The following ATXN7L1 variants were observed in gnomAD, a reference collection of about 807,000 sequenced individuals.
The protein encoded by ATXN7L1 is ataxin-7-like protein 1.
A neutral mutation model predicts 70.8 loss-of-function variants in ATXN7L1; 15 were observed. That is an observed-to-expected ratio of 0.21 (90% CI 0.14 to 0.33). The LOEUF (loss-of-function observed/expected upper bound fraction) is 0.33. Ranked by LOEUF, ATXN7L1 falls within the 10% of genes least tolerant of loss-of-function variation. ATXN7L1 has a pLI of 1.00. For missense variants in ATXN7L1, 975 were observed against 1,097.1 expected (o/e 0.89, Z 1.57); for synonymous variants, 440 against 445.1 (o/e 0.99, Z 0.14).
At chr7:105,719,568 C>G (rs1794947721) in intron 3 of ATXN7L1, among the ~76,000 whole-genome samples, 1 of 152,152 alleles carries the variant, frequency 6.6e-6, no homozygotes, top group African/African-American at 2.4e-5. Flanking sequence ...TATCCCACAG[C>G]TTCCTCCTAA....
chr7:105,645,805 G>A (rs1353930838), intron 4 of ATXN7L1, among the ~76,000 whole-genome samples: 2 of 137,890 alleles, frequency 1.5e-5, no homozygotes, highest in African/African-American at 2.8e-5. Flanking sequence ...AGAGTGAGAC[G>A]CCACCACAAA....
intron 7 of ATXN7L1, among the ~76,000 whole-genome samples, chr7:105,631,600 G>C (rs756168701): frequency 6.6e-6 from 1 of 152,206 alleles, no homozygotes; most frequent in Non-Finnish European, 1.5e-5. Flanking sequence ...CTGAGTAGCT[G>C]GGATCACAGG....
intron 2 of ATXN7L1, 132 bp downstream of exon 2, chr7:105,875,673 GCAGTAGT>G: frequency 2.8e-6 from 1 of 363,630 alleles, no homozygotes; most frequent in Non-Finnish European, 4.9e-6. Flanking sequence ...TTAACATGAA[GCAGTAGT>G]CACCTGGGCG....
chr7:105,854,260 G>A (rs917875257), intron 2 of ATXN7L1, among the ~76,000 whole-genome samples: 10 of 151,916 alleles, frequency 6.6e-5, no homozygotes, highest in African/African-American at 2.4e-4. Context: ...AGGAAATGGC[G>A]GCAAGGAAAA....
chr7:105,724,925 C>T (rs1457556941), intron 3 of ATXN7L1, among the ~76,000 whole-genome samples: 1 of 152,012 alleles, frequency 6.6e-6, no homozygotes, highest in African/African-American at 2.4e-5. Flanking sequence ...CTCCTGAGCT[C>T]AAGGGATCCT....
chr7:105,773,978 G>A (rs1309143895), intron 3 of ATXN7L1, among the ~76,000 whole-genome samples: 1 of 152,148 alleles, frequency 6.6e-6, no homozygotes, highest in Non-Finnish European at 1.5e-5. Context: ...AACATTACAA[G>A]CCACAGAGGA....
intron 2 of ATXN7L1, among the ~76,000 whole-genome samples, chr7:105,807,459 TC>T (rs1266326568): frequency 1.3e-5 from 2 of 152,192 alleles, no homozygotes; most frequent in African/African-American, 4.8e-5. Flanking sequence ...GGACACACCT[TC>T]TGACGCGGCA....
At chr7:105,622,108 G>A (rs762538174) in intron 8 of ATXN7L1, among the ~76,000 whole-genome samples, 3 of 152,178 alleles carry the variant, frequency 2.0e-5, no homozygotes, top group Non-Finnish European at 4.4e-5. Flanking sequence ...AAGATGCACC[G>A]AGCAAGCATT....
At chr7:105,786,819 T>C (rs1039782478) in intron 3 of ATXN7L1, among the ~76,000 whole-genome samples, 1 of 152,092 alleles carries the variant, frequency 6.6e-6, no homozygotes, top group African/African-American at 2.4e-5. Flanking sequence ...CCAGTCCCAG[T>C]GAAAGTTTTG....
Position 105,614,329 on chromosome 7 carries a change from G to A in ATXN7L1, c.2005C>T (p.Pro669Ser). The A allele has an allele frequency of 6.4e-7, 1 of 1,552,378 alleles. No homozygotes were observed. The highest frequency in any genetic ancestry group is 8.7e-7 in the Non-Finnish European group (1 of 1,147,146). The change falls in exon 10 of 12, where the codon CCA (proline) becomes TCA (serine). Residue 669 changes from proline to serine, a missense_variant. Physicochemically the swap from Pro to Ser is moderately conservative, Grantham distance 74. Transcript: ENST00000419735. The surrounding 1 kb of genome is among the most constrained non-coding windows in gnomAD (Gnocchi z 4.3). ...SSSLQTSLSSPLSGPHKKNCV... is the reference protein window; with the variant it reads ...SSSLQTSLSSSLSGPHKKNCV... ...TTCTTTTTGTGAGGCCCTGACAGTG[G>A]AGACGAGAGGGATGTCTGCAAGGAA...
intron 4 of ATXN7L1, among the ~76,000 whole-genome samples, chr7:105,644,115 G>A (rs1045990468): frequency 6.6e-6 from 1 of 152,166 alleles, no homozygotes; most frequent in South Asian, 2.1e-4. Flanking sequence ...AAATGATCTA[G>A]AATATGGCTT....
At chr7:105,833,410 A>G (rs1811917349) in intron 2 of ATXN7L1, among the ~76,000 whole-genome samples, 2 of 152,244 alleles carry the variant, frequency 1.3e-5, no homozygotes, top group African/African-American at 4.8e-5. Flanking sequence ...GGCACACGCT[A>G]CATGATAAAT....
chr7:105,822,510 A>T (rs980981753), intron 2 of ATXN7L1, among the ~76,000 whole-genome samples: 1 of 152,204 alleles, frequency 6.6e-6, no homozygotes, highest in African/African-American at 2.4e-5. Context: ...GGGGTGGTGG[A>T]ATAAACTCAG....
Position 105,876,450 on chromosome 7 carries a change from G to A in ATXN7L1, c.109C>T (p.Pro37Ser), listed in dbSNP as rs972671379. 9.9e-6 allele frequency: 16 copies of A among 1,613,710 alleles called. No homozygotes were observed. Among genetic ancestry groups the A allele is most frequent in the Non-Finnish European group, 1.1e-5 (13 of 1,179,830 alleles). ...TTGCCCAGAAACGCCTCCGGACTGG[G>A]CACTTTGCGATCCAGTGTCGCCATT... is the stretch of plus-strand genomic sequence containing the variant. ...RAMATLDRKVPSPEAFLGKPW... is the reference protein window; with the variant it reads ...RAMATLDRKVSSPEAFLGKPW... The change falls in exon 1 of 12, where the codon CCC becomes TCC. Residue 37 changes from proline to serine, a missense_variant. This residue lies in a region of ATXN7L1 where 135 missense variants were observed against 132.6 expected (regional missense o/e 1.02). Transcript: ENST00000419735.
intron 3 of ATXN7L1, among the ~76,000 whole-genome samples, chr7:105,721,175 C>T (rs978259027): frequency 4.6e-5 from 7 of 152,156 alleles, no homozygotes; most frequent in Admixed American, 3.3e-4. Flanking sequence ...TGGGAATCTT[C>T]CCCGCACCTC....
intron 3 of ATXN7L1, among the ~76,000 whole-genome samples, chr7:105,758,660 T>A (rs1800114116): frequency 6.6e-6 from 1 of 152,166 alleles, no homozygotes; most frequent in African/African-American, 2.4e-5. Context: ...CACCACCCAG[T>A]TTTTCCATGA....
At chr7:105,866,439 T>C (rs1000083625) in intron 2 of ATXN7L1, among the ~76,000 whole-genome samples, 11 of 152,158 alleles carry the variant, frequency 7.2e-5, no homozygotes, top group African/African-American at 2.2e-4. Context: ...CATAAAAACA[T>C]TGCTTTCCCC....
chr7:105,685,809 G>A (rs1806124678), intron 3 of ATXN7L1, among the ~76,000 whole-genome samples: 1 of 152,188 alleles, frequency 6.6e-6, no homozygotes, highest in Non-Finnish European at 1.5e-5. Context: ...GACATTCTCA[G>A]GGCAGGTTCT....
intron 3 of ATXN7L1, among the ~76,000 whole-genome samples, chr7:105,729,430 C>CT (rs34133732): frequency 2.8e-4 from 36 of 130,306 alleles, no homozygotes; most frequent in South Asian, 5.0e-4. Context: ...ATCCCTACTT[C>CT]TTTTTTTTTT....
Sources: gnomAD v4.1 joint callset for allele counts (sites outside exome capture counted in the v4.1 genomes callset) on GRCh38, gnomAD v4.1.1 for gene constraint, gnomAD v4.1.1 regional missense constraint, Gnocchi (gnomAD v3.1) non-coding constraint, MANE v1.5 for transcripts, NCBI Gene and HGNC (gene_info 2026-07-23, HGNC 2026-07-21) for gene names.